MYO1D: variants seen among roughly 807,000 people sequenced by gnomAD.
MYO1D encodes myosin ID.
A neutral mutation model predicts 122.0 loss-of-function variants in MYO1D; 83 were observed. The ratio of observed to expected loss-of-function variants is 0.68; its 90% CI spans 0.57 to 0.82. MYO1D has a LOEUF of 0.82. Among genes scored for constraint, MYO1D ranks in the 40% least tolerant of loss-of-function variants. The pLI, the probability that MYO1D is intolerant of heterozygous loss-of-function variation, is 0.00. For synonymous variants in MYO1D, 464 were observed against 446.9 expected (o/e 1.04, Z -0.48); for missense variants, 1,157 against 1,269.5 (o/e 0.91, Z 1.35).
At chr17:32,551,725 T>C (rs2087016808) in intron 21 of MYO1D, among the ~76,000 whole-genome samples, 1 of 152,214 alleles carries the variant, frequency 6.6e-6, no homozygotes, top group African/African-American at 2.4e-5. Flanking sequence ...CATTTTCTCA[T>C]GGATCATGAC....
At chr17:32,744,142 C>T (rs566747555) in intron 13 of MYO1D, among the ~76,000 whole-genome samples, 8 of 152,240 alleles carry the variant, frequency 5.3e-5, no homozygotes, top group Admixed American at 4.6e-4. Context: ...CTTTCCATCC[C>T]TCACTCTGTT....
chr17:32,827,496 A>G (rs1361039084), intron 1 of MYO1D, among the ~76,000 whole-genome samples: 2 of 152,214 alleles, frequency 1.3e-5, no homozygotes, highest in Non-Finnish European at 2.9e-5. Flanking sequence ...CTGAACAACA[A>G]TGTGAATGTA....
intron 20 of MYO1D, among the ~76,000 whole-genome samples, chr17:32,607,929 C>A (rs184857242): frequency 3.9e-5 from 6 of 152,240 alleles, no homozygotes; most frequent in African/African-American, 1.2e-4. Context: ...AACATTTGGA[C>A]ACCCCCATGC....
chr17:32,703,335 T>C (rs1339964845), intron 16 of MYO1D, among the ~76,000 whole-genome samples: 1 of 152,216 alleles, frequency 6.6e-6, no homozygotes, highest in African/African-American at 2.4e-5. Context: ...TTTATCTACC[T>C]GTCCAAATTT....
chr17:32,534,001 A>G (rs1352760841), intron 21 of MYO1D, among the ~76,000 whole-genome samples: 4 of 152,204 alleles, frequency 2.6e-5, no homozygotes, highest in African/African-American at 9.7e-5. Flanking sequence ...AACTTGTGAA[A>G]CCTGCTTTCT....
At chr17:32,721,245 G>C in intron 14 of MYO1D, 56 bp from the exon 15 acceptor site, 3 of 1,522,754 alleles carry the variant, frequency 2.0e-6, no homozygotes, top group Non-Finnish European at 2.7e-6. Context: ...TCCCAGCTAG[G>C]GACACTAACA....
intron 2 of MYO1D, 78 bp downstream of exon 2, chr17:32,780,498 C>A: frequency 7.0e-7 from 1 of 1,435,950 alleles, no homozygotes; most frequent in South Asian, 1.2e-5. Flanking sequence ...AATATTTAAT[C>A]AATTGTTTGG....
chr17:32,625,317 T>C (rs1356303031), intron 20 of MYO1D, among the ~76,000 whole-genome samples: 1 of 152,020 alleles, frequency 6.6e-6, no homozygotes, highest in African/African-American at 2.4e-5. Flanking sequence ...GGCAATTAAG[T>C]TAGGTAGAAA....
intron 21 of MYO1D, among the ~76,000 whole-genome samples, chr17:32,581,805 A>AC (rs2087343806): frequency 6.6e-6 from 1 of 151,700 alleles, no homozygotes; most frequent in Non-Finnish European, 1.5e-5. Flanking sequence ...TTGCTCTGTC[A>AC]CCCAGGCTGG....
chr17:32,567,972 G>A (rs1428376848), intron 21 of MYO1D, among the ~76,000 whole-genome samples: 2 of 152,098 alleles, frequency 1.3e-5, no homozygotes, highest in South Asian at 2.1e-4. Context: ...TGGGTGGCTT[G>A]GTGAAACCTA....
At position 32,778,585 on chromosome 17, in the gene MYO1D, A is replaced by C; in HGVS notation, c.305-12T>G. On this transcript the variant is annotated splice_polypyrimidine_tract_variant and intron_variant, in intron 2 of 21. Coordinates refer to ENST00000318217, the MANE Select transcript of MYO1D (RefSeq NM_015194.3). ...AGCTCCACTTTCCCCTGGGGGGAAA[A>C]ATTGTTCAGGGCTTAACATAATAAT... is the stretch of plus-strand genomic sequence containing the variant. 1 of 1,599,136 alleles carries C rather than the reference A, an allele frequency of 6.3e-7. No homozygotes were observed. The highest frequency in any genetic ancestry group is 8.6e-7 in the Non-Finnish European group (1 of 1,166,452).
At chr17:32,543,944 C>A (rs1910933512) in intron 21 of MYO1D, among the ~76,000 whole-genome samples, 1 of 151,316 alleles carries the variant, frequency 6.6e-6, no homozygotes, top group South Asian at 2.1e-4. Context: ...AGGCGTGTGC[C>A]ACCACACCTG....
chr17:32,830,426 T>C (rs758482741), intron 1 of MYO1D: 2 of 152,160 alleles, frequency 1.3e-5, no homozygotes, highest in African/African-American at 2.4e-5. Context: ...GCTACTGTCC[T>C]AGATTAAAGT....
intron 16 of MYO1D, among the ~76,000 whole-genome samples, chr17:32,704,995 AAC>A (rs2089288778): frequency 2.6e-5 from 4 of 152,270 alleles, no homozygotes; most frequent in South Asian, 4.1e-4. Context: ...AAATCAATAA[AAC>A]AGTTTTTGCA....
intron 21 of MYO1D, among the ~76,000 whole-genome samples, chr17:32,535,191 G>C (rs1334193278): frequency 6.6e-6 from 1 of 152,170 alleles, no homozygotes; most frequent in Non-Finnish European, 1.5e-5. Context: ...AGTTTAATCT[G>C]TAAACCGTTA....
chr17:32,614,347 C>T lies in MYO1D; in HGVS notation c.2710-9106G>A, dbSNP rs180998906. Among the ~76,000 whole-genome samples the T allele has an allele frequency of 5.3e-5, 8 of 150,946 alleles. No homozygotes were observed. The East Asian group carries it at 7.8e-4, about 15-fold the overall frequency. ...CACTTAATTTCTGCAGGTGTTTGCT[C>T]GTATTTTGACACAGACACTTGGGTT... is the stretch of plus-strand genomic sequence containing the variant. On this transcript the variant is annotated intron_variant, in intron 20 of 21. Transcript: ENST00000318217.
chr17:32,515,355 C>G (rs1476613221), intron 21 of MYO1D, among the ~76,000 whole-genome samples: 1 of 152,234 alleles, frequency 6.6e-6, no homozygotes, highest in East Asian at 1.9e-4. Flanking sequence ...GCCCAGTCCC[C>G]CAGCCATGGC....
chr17:32,710,881 T>C (rs2089367297), intron 16 of MYO1D, among the ~76,000 whole-genome samples: 1 of 152,192 alleles, frequency 6.6e-6, no homozygotes, highest in African/African-American at 2.4e-5. Context: ...GATATCATTC[T>C]ATCTATTAAT....
intron 1 of MYO1D, among the ~76,000 whole-genome samples, chr17:32,850,532 T>A (rs990187609): frequency 7.2e-5 from 11 of 152,346 alleles, no homozygotes; most frequent in Admixed American, 5.9e-4. Flanking sequence ...GTATAAAAAC[T>A]AAGTGACTTT....
Sources: gnomAD v4.1 joint callset for allele counts (sites outside exome capture counted in the v4.1 genomes callset) on GRCh38, gnomAD v4.1.1 for gene constraint, MANE v1.5 for transcripts, NCBI Gene and HGNC (gene_info 2026-07-23, HGNC 2026-07-21) for gene names.